DOCK4: variants seen among roughly 807,000 people sequenced by gnomAD.
The protein encoded by DOCK4 is dedicator of cytokinesis 4, also known as dedicator of cytokinesis protein 4.
DOCK4 carries 97 observed loss-of-function variants against 268.1 expected under a neutral mutation model. The observed-to-expected ratio is 0.36, with a 90% confidence interval of 0.31 to 0.43. The LOEUF is 0.43. Among genes scored for constraint, DOCK4 ranks in the 20% least tolerant of loss-of-function variants. DOCK4 has a pLI of 1.00. For missense variants in DOCK4, 2,145 were observed against 2,455.7 expected (o/e 0.87, Z 2.67); for synonymous variants, 954 against 887.2 (o/e 1.08, Z -1.34).
In DOCK4 at chr7:111,769,654, A is replaced by G. The variant is rs760517737; in HGVS notation, c.3703T>C (p.Tyr1235His). The G allele has an allele frequency of 4.3e-6, 7 of 1,613,760 alleles. No homozygotes were observed. Among genetic ancestry groups the G allele is most frequent in the African/African-American group, 1.3e-5 (1 of 75,040 alleles). Residue 1235 changes from tyrosine (Y) to histidine (H), a missense_variant, in exon 37 of 53, where the codon TAT becomes CAT. This residue lies in a region of DOCK4 where 1,598 missense variants were observed against 1,986.7 expected (regional missense o/e 0.80). Transcript: ENST00000428084. Reference protein sequence around the residue: ...FTEAAYTLLLYDELLEWSDRP... With the variant: ...FTEAAYTLLLHDELLEWSDRP... ...TCAGACCATTCCAGTAGCTCGTCAT[A>G]TAAGAGGAGGGTATATGCAGCTTCT...
At chr7:111,900,637 G>A in intron 14 of DOCK4, 101 bp from the exon 15 acceptor site, 1 of 1,261,772 alleles carries the variant, frequency 7.9e-7, no homozygotes, top group Non-Finnish European at 1.1e-6. Context: ...CTCTCAAATA[G>A]CACTATGAAA....
chr7:112,155,305 TGAG>T (rs150375169), intron 1 of DOCK4, among the ~76,000 whole-genome samples: 4,578 of 152,274 alleles, frequency 0.03, 114 homozygotes, highest in Non-Finnish European at 0.043. Context: ...TAAAGTTTCC[TGAG>T]GAGAATACTA....
At chr7:111,841,908 G>T (rs1404498367) in intron 25 of DOCK4, among the ~76,000 whole-genome samples, 1 of 152,198 alleles carries the variant, frequency 6.6e-6, no homozygotes, top group Non-Finnish European at 1.5e-5. Context: ...CGCTCTGCAC[G>T]TCGATAGAAA....
rs772622525 is a variant in DOCK4, at chr7:111,867,972, A to G, written c.2280+12T>C. The G allele has an allele frequency of 6.3e-6, 10 of 1,575,254 alleles. No homozygotes were observed. The highest frequency in any genetic ancestry group is 8.6e-6 in the Non-Finnish European group (10 of 1,163,030). On this transcript the variant is annotated intron_variant, in intron 22 of 52. Transcript: ENST00000428084. ...CGTTTTCTTCTATTCAGCATAGATGAAAAGAAATTACCTGTGACTGAGATA... is the reference window on the plus strand; with the variant it reads ...CGTTTTCTTCTATTCAGCATAGATGGAAAGAAATTACCTGTGACTGAGATA...
chr7:112,078,999 C>A (rs905825576), intron 1 of DOCK4, among the ~76,000 whole-genome samples: 2 of 151,958 alleles, frequency 1.3e-5, no homozygotes, highest in Non-Finnish European at 2.9e-5. Context: ...TGGTGGCATG[C>A]GCCTGTAATC....
intron 1 of DOCK4, among the ~76,000 whole-genome samples, chr7:112,070,217 A>G (rs976524059): frequency 2.0e-5 from 3 of 152,186 alleles, no homozygotes; most frequent in African/African-American, 7.2e-5. Flanking sequence ...ATAGGAGATG[A>G]CTAATTAAAA....
At chr7:112,194,550 A>G (rs1820250454) in intron 1 of DOCK4, among the ~76,000 whole-genome samples, 1 of 152,222 alleles carries the variant, frequency 6.6e-6, no homozygotes, top group South Asian at 2.1e-4. Flanking sequence ...CTGCACATAA[A>G]TGACAAACTA....
chr7:112,136,919 C>G (rs1814407362), intron 1 of DOCK4, among the ~76,000 whole-genome samples: 1 of 151,932 alleles, frequency 6.6e-6, no homozygotes, highest in Admixed American at 6.6e-5. Flanking sequence ...AAATGGTATT[C>G]AGCTATGGAA....
chr7:111,728,961 G>A lies in DOCK4; in HGVS notation c.5482-241C>T, dbSNP rs1045491547. 4.6e-5 allele frequency among the ~76,000 whole-genome samples: 7 copies of A among 152,240 alleles called. No individual in the cohort carries two copies. In the Middle Eastern group the frequency reaches 0.01, roughly 223 times the overall value. ...ACACACAGGGAGACGTCAGGAATGCGACACACACAGACCTTGCAGGAAGGG... is the reference window on the plus strand; with the variant it reads ...ACACACAGGGAGACGTCAGGAATGCAACACACACAGACCTTGCAGGAAGGG... On this transcript the variant is annotated intron_variant, in intron 52 of 52. Transcript: ENST00000428084.
At chr7:111,970,403 G>A (rs964315224) in intron 8 of DOCK4, among the ~76,000 whole-genome samples, 1 of 152,122 alleles carries the variant, frequency 6.6e-6, no homozygotes, top group African/African-American at 2.4e-5. Context: ...TGTATAGAGT[G>A]TTACAAGGGC....
At chr7:112,168,966 C>A (rs1400060306) in intron 1 of DOCK4, among the ~76,000 whole-genome samples, 1 of 152,156 alleles carries the variant, frequency 6.6e-6, no homozygotes, top group Non-Finnish European at 1.5e-5. Flanking sequence ...TGTATTATCA[C>A]TATTTGATAT....
At chr7:111,983,160 T>C (rs1798739384) in intron 7 of DOCK4, among the ~76,000 whole-genome samples, 1 of 152,194 alleles carries the variant, frequency 6.6e-6, no homozygotes, top group African/African-American at 2.4e-5. Context: ...GAAGTGTAGA[T>C]AATCTGAACA....
intron 1 of DOCK4, among the ~76,000 whole-genome samples, chr7:112,151,700 G>A (rs1448509597): frequency 2.0e-5 from 3 of 149,230 alleles, no homozygotes; most frequent in Non-Finnish European, 3.0e-5. Flanking sequence ...CTCTGTTTTT[G>A]TTTTATTTAA....
chr7:112,086,154 G>A (rs574942550), intron 1 of DOCK4, among the ~76,000 whole-genome samples: 1 of 152,196 alleles, frequency 6.6e-6, no homozygotes, highest in South Asian at 2.1e-4. Context: ...TTGGCAAAAT[G>A]TGGATAATTT....
At chr7:112,192,878 T>C (rs1820100830) in intron 1 of DOCK4, among the ~76,000 whole-genome samples, 1 of 151,446 alleles carries the variant, frequency 6.6e-6, no homozygotes, top group African/African-American at 2.4e-5. Context: ...GAAAAAAAAA[T>C]GCAACAAGTA....
chr7:112,174,298 T>C (rs1414510150), intron 1 of DOCK4, among the ~76,000 whole-genome samples: 4 of 152,126 alleles, frequency 2.6e-5, no homozygotes, highest in Non-Finnish European at 5.9e-5. Flanking sequence ...CAAAACACAC[T>C]CTGCCTTTTC....
At chr7:111,751,602 G>A (rs1796657370) in intron 42 of DOCK4, among the ~76,000 whole-genome samples, 1 of 152,048 alleles carries the variant, frequency 6.6e-6, no homozygotes, top group Non-Finnish European at 1.5e-5. Context: ...GATCCACCAT[G>A]CCCAGCTACT....
intron 8 of DOCK4, among the ~76,000 whole-genome samples, chr7:111,956,139 T>C (rs1796431271): frequency 6.6e-6 from 1 of 152,164 alleles, no homozygotes; most frequent in African/African-American, 2.4e-5. Flanking sequence ...GTAAACACTG[T>C]ATCTTTGACA....
intron 1 of DOCK4, among the ~76,000 whole-genome samples, chr7:112,084,592 G>C (rs1352294545): frequency 6.6e-6 from 1 of 152,086 alleles, no homozygotes; most frequent in African/African-American, 2.4e-5. Flanking sequence ...CTAGCAATAA[G>C]AAACAGTCAC....
Sources: gnomAD v4.1 joint callset for allele counts (sites outside exome capture counted in the v4.1 genomes callset) on GRCh38, gnomAD v4.1.1 for gene constraint, gnomAD v4.1.1 regional missense constraint, MANE v1.5 for transcripts, NCBI Gene and HGNC (gene_info 2026-07-23, HGNC 2026-07-21) for gene names.